ARHGAP26: variants seen among roughly 807,000 people sequenced by gnomAD.
The protein encoded by ARHGAP26 is rho GTPase-activating protein 26.
A neutral mutation model predicts 104.8 loss-of-function variants in ARHGAP26; 38 were observed. The observed-to-expected ratio is 0.36, with a 90% CI of 0.28 to 0.48. The LOEUF is 0.48. Ranked by LOEUF, ARHGAP26 falls within the 20% of genes least tolerant of loss-of-function variation. ARHGAP26 has a pLI of 0.99. For missense variants in ARHGAP26, 704 were observed against 947.9 expected (o/e 0.74, Z 3.38); for synonymous variants, 341 against 340.0 (o/e 1.00, Z -0.03).
At chr5:143,112,929 A>C (rs10079523) in intron 17 of ARHGAP26, among the ~76,000 whole-genome samples, 21,667 of 152,248 alleles carry the variant, frequency 0.14, 2,962 homozygotes, top group African/African-American at 0.35. Context: ...ATGGGTGTAC[A>C]AATACTTCTT....
At chr5:143,195,502 T>C (rs1806685722) in intron 20 of ARHGAP26, among the ~76,000 whole-genome samples, 1 of 152,206 alleles carries the variant, frequency 6.6e-6, no homozygotes. Flanking sequence ...CAGCCTGTGT[T>C]GTTAACATGT....
intron 1 of ARHGAP26, among the ~76,000 whole-genome samples, chr5:142,822,320 T>C (rs147839723): frequency 3.6e-4 from 55 of 152,338 alleles, no homozygotes; most frequent in African/African-American, 1.3e-3. Context: ...ATATGTTTTC[T>C]GGTGACATAC....
intron 17 of ARHGAP26, among the ~76,000 whole-genome samples, chr5:143,081,903 G>A (rs959048561): frequency 2.6e-5 from 4 of 152,008 alleles, no homozygotes; most frequent in East Asian, 3.9e-4. Context: ...CCAGCTACTC[G>A]GGAGGCTGAG....
At chr5:142,771,999 T>C (rs1158538314) in intron 1 of ARHGAP26, among the ~76,000 whole-genome samples, 1 of 152,258 alleles carries the variant, frequency 6.6e-6, no homozygotes, top group Non-Finnish European at 1.5e-5. Flanking sequence ...GATAGTGGAA[T>C]TGTCTCTGAC....
intron 20 of ARHGAP26, among the ~76,000 whole-genome samples, chr5:143,151,091 A>G (rs1236855850): frequency 1.3e-5 from 2 of 152,244 alleles, no homozygotes; most frequent in Non-Finnish European, 2.9e-5. Flanking sequence ...AAAGAACCCA[A>G]TTAAAATATG....
intron 1 of ARHGAP26, among the ~76,000 whole-genome samples, chr5:142,855,507 A>C (rs532850541): frequency 6.6e-6 from 1 of 152,216 alleles, no homozygotes; most frequent in African/African-American, 2.4e-5. Flanking sequence ...TCTGCCCATC[A>C]TTATTGACTG....
At chr5:142,904,178 A>C (rs1348838034) in intron 8 of ARHGAP26, among the ~76,000 whole-genome samples, 1 of 152,040 alleles carries the variant, frequency 6.6e-6, no homozygotes, top group Admixed American at 6.6e-5. Flanking sequence ...GAAAAGTAGG[A>C]ACAAAGGCTC....
At chr5:142,781,220 C>G (rs1554104487) in intron 1 of ARHGAP26, among the ~76,000 whole-genome samples, 1 of 152,212 alleles carries the variant, frequency 6.6e-6, no homozygotes, top group Non-Finnish European at 1.5e-5. Context: ...AATGATCAGT[C>G]ATGTGAAGGG....
chr5:143,047,572 C>T (rs1172726737), intron 14 of ARHGAP26, among the ~76,000 whole-genome samples: 1 of 152,166 alleles, frequency 6.6e-6, no homozygotes, highest in Non-Finnish European at 1.5e-5. Flanking sequence ...GTGTAGTTAG[C>T]AAAGTCTGAG....
At chr5:143,134,175 G>A in intron 19 of ARHGAP26, 70 bp downstream of exon 19, 1 of 1,472,224 alleles carries the variant, frequency 6.8e-7, no homozygotes, top group Non-Finnish European at 9.1e-7. Context: ...GGCTCAGGGT[G>A]GACACTTCCA....
intron 1 of ARHGAP26, among the ~76,000 whole-genome samples, chr5:142,856,877 G>T (rs1035832757): frequency 2.6e-5 from 4 of 152,170 alleles, no homozygotes; most frequent in Non-Finnish European, 5.9e-5. Flanking sequence ...AGTCCCCATG[G>T]ATCCCGAGGG....
At chr5:143,216,375 T>G in intron 22 of ARHGAP26, 1 of 456,800 alleles carries the variant, frequency 2.2e-6, no homozygotes, top group Admixed American at 2.4e-5. Flanking sequence ...TTAAAGCCCT[T>G]CAGTGGCCTC....
intron 20 of ARHGAP26, among the ~76,000 whole-genome samples, chr5:143,161,282 G>C (rs556816742): frequency 6.6e-6 from 1 of 152,158 alleles, no homozygotes; most frequent in South Asian, 2.1e-4. Flanking sequence ...AAAGTGCAGG[G>C]ATTACAGGCA....
intron 22 of ARHGAP26, 86 bp from the exon 23 acceptor site, chr5:143,222,271 AC>A: frequency 1.4e-6 from 1 of 711,092 alleles, no homozygotes. Context: ...ACACACACAC[AC>A]ACACACACAC....
At chr5:143,068,618 C>T (rs542016424) in intron 17 of ARHGAP26, among the ~76,000 whole-genome samples, 1 of 152,310 alleles carries the variant, frequency 6.6e-6, no homozygotes, top group South Asian at 2.1e-4. Context: ...TTCCCATCAG[C>T]ACATAAGCAT....
chr5:143,207,603 T>G (rs1454981802), intron 21 of ARHGAP26: 1 of 1,120,868 alleles, frequency 8.9e-7, no homozygotes, highest in Non-Finnish European at 1.3e-6. Flanking sequence ...TTTGCATGAA[T>G]CAGCATGGCA....
rs1287553463 is a variant in ARHGAP26 at position 143,224,752 on chromosome 5, A to G, written c.*2306A>G. Reference sequence around the variant, plus strand: ...TTTCCCTTCTCCTAAACATTTTAAAACTCTTCCCTTTCACCTCCAATTCCC... The same window carrying G: ...TTTCCCTTCTCCTAAACATTTTAAAGCTCTTCCCTTTCACCTCCAATTCCC... On this transcript the variant is annotated 3_prime_UTR_variant, in exon 23 of 23. Transcript: ENST00000645722. 6 of 227,912 alleles carry G rather than the reference A, an allele frequency of 2.6e-5. No individual in the cohort carries two copies. The highest frequency in any genetic ancestry group is 5.2e-5 in the Non-Finnish European group (6 of 114,994). The allele number at this position is 227,912 out of a possible 1,614,324, so 14.1% of individuals were successfully genotyped here.
At chr5:142,813,096 C>T (rs758923277) in intron 1 of ARHGAP26, among the ~76,000 whole-genome samples, 26 of 152,106 alleles carry the variant, frequency 1.7e-4, no homozygotes, top group East Asian at 7.7e-4. Context: ...GGCTACCATG[C>T]CCGGCTAACT....
rs541385854 is a variant in ARHGAP26 at position 142,959,617 on chromosome 5, T to A, written c.1107+27492T>A. 3.9e-5 allele frequency among the ~76,000 whole-genome samples: 6 copies of A among 152,274 alleles called. No homozygotes were observed. The East Asian group carries it at 1.2e-3, about 29-fold the overall frequency. On this transcript the variant is annotated intron_variant, in intron 11 of 22. Coordinates refer to ENST00000645722, the MANE Select transcript of ARHGAP26 (RefSeq NM_001135608.3). ...CCATGTTCAAGCCAAGGCCAGCATGTTGAATCCACCCTATGCTTCACATCA... is the reference window on the plus strand; with the variant it reads ...CCATGTTCAAGCCAAGGCCAGCATGATGAATCCACCCTATGCTTCACATCA...
Sources: allele counts gnomAD v4.1 joint callset (sites outside exome capture counted in the v4.1 genomes callset), GRCh38; gene constraint gnomAD v4.1.1; transcripts MANE v1.5; gene names NCBI Gene and HGNC (gene_info 2026-07-23, HGNC 2026-07-21).